DGLUCY: variants seen among roughly 807,000 people sequenced by gnomAD.
The protein encoded by DGLUCY is D-glutamate cyclase, also known as D-glutamate cyclase, mitochondrial.
In DGLUCY, 58 loss-of-function variants were observed where a neutral mutation model predicts 58.5. That is an observed-to-expected ratio of 0.99 (90% confidence interval 0.80 to 1.23). The LOEUF (loss-of-function observed/expected upper bound fraction) is 1.23. Among genes scored for constraint, DGLUCY ranks in the 50% most tolerant of loss-of-function variants. The pLI, the probability that DGLUCY is intolerant of heterozygous loss-of-function variation, is 0.00. For synonymous variants in DGLUCY, 325 were observed against 314.1 expected, an observed-to-expected ratio of 1.03 and a Z score of -0.37; for missense variants, 779 against 784.7, an observed-to-expected ratio of 0.99 and a Z score of 0.09.
In DGLUCY at chr14:91,084,680, T is replaced by C. The variant is rs73328574; in HGVS notation, c.-82+23976T>C. Among the ~76,000 whole-genome samples the C allele has an allele frequency of 5.2e-3, 791 of 152,206 alleles. 11 individuals are homozygous for C. The highest frequency in any genetic ancestry group is 0.019 in the African/African-American group (769 of 41,526). ...AGGGTGCTTTCCTCTCTATAATCCT[T>C]AGCTTTGGTCTGCTCCACTCCAACC... On this transcript the variant is annotated intron_variant, in intron 1 of 4. Transcript: ENST00000521334.
chr14:91,167,453 G>A, intron 4 of DGLUCY, 75 bp downstream of exon 4: 1 of 1,580,822 alleles, frequency 6.3e-7, no homozygotes, highest in Admixed American at 1.7e-5. Flanking sequence ...CTGTCATCCG[G>A]GACCTCTCTG....
chr14:91,135,867 G>C (rs11626579), intron 1 of DGLUCY, among the ~76,000 whole-genome samples: 148,769 of 149,804 alleles, frequency 0.99, 73,881 homozygotes, highest in East Asian at 1. Flanking sequence ...AATCACTTTT[G>C]TAATAGTAAA....
At chr14:91,104,636 A>T (rs906894248), upstream of DGLUCY, among the ~76,000 whole-genome samples, 1 of 152,138 alleles carries the variant, frequency 6.6e-6, no homozygotes, top group African/African-American at 2.4e-5. Flanking sequence ...TCCATGAAAC[A>T]CTTCTCTCTT....
At chr14:91,130,295 C>A (rs2045956631) in intron 1 of DGLUCY, among the ~76,000 whole-genome samples, 1 of 149,228 alleles carries the variant, frequency 6.7e-6, no homozygotes, top group Admixed American at 6.7e-5. Context: ...AGTGAAGAAT[C>A]TTTTCTTTTC....
intron 1 of DGLUCY, among the ~76,000 whole-genome samples, chr14:91,078,876 T>TTTTATTTATTTATTTATTTA (rs34232625): frequency 2.2e-4 from 30 of 136,772 alleles, no homozygotes; most frequent in Non-Finnish European, 3.0e-4. Flanking sequence ...TATTTTTAAT[T>TTTTATTTATTTATTTATTTA]TTTATTTATT....
chr14:91,207,053 G>C (rs949261779), intron 12 of DGLUCY, among the ~76,000 whole-genome samples: 7 of 150,604 alleles, frequency 4.6e-5, no homozygotes, highest in Non-Finnish European at 1.0e-4. Context: ...GGCTACGTGG[G>C]GGGGCTGAGG....
At chr14:91,071,276 G>T (rs188192431) in intron 1 of DGLUCY, among the ~76,000 whole-genome samples, 146 of 148,496 alleles carry the variant, frequency 9.8e-4, no homozygotes, top group African/African-American at 3.6e-3. Flanking sequence ...GGCAGAGGTT[G>T]CAGTAAGCTG....
In DGLUCY at chr14:91,208,648, C is replaced by A. The variant is rs1025301437; in HGVS notation, c.1564+3823C>A. 7.2e-5 allele frequency among the ~76,000 whole-genome samples: 11 copies of A among 152,140 alleles called. 1 individual carries two copies. The highest frequency in any genetic ancestry group is 3.3e-4 in the Admixed American group (5 of 15,274). On this transcript the variant is annotated intron_variant, in intron 12 of 13. Coordinates refer to ENST00000256324, the MANE Select transcript of DGLUCY (RefSeq NM_001102368.3). ...CCTATAGTCCTAGCTACTTGGGAGGCTGAGGTAGGCAGATCACCTGAGCCT... is the reference window on the plus strand; with the variant it reads ...CCTATAGTCCTAGCTACTTGGGAGGATGAGGTAGGCAGATCACCTGAGCCT...
intron 1 of DGLUCY, among the ~76,000 whole-genome samples, chr14:91,108,691 C>T (rs1264461344): frequency 6.6e-6 from 1 of 152,056 alleles, no homozygotes; most frequent in African/African-American, 2.4e-5. Flanking sequence ...GCATGTGCCA[C>T]CATGCCCGGC....
At chr14:91,215,073 C>T (rs923265305) in intron 12 of DGLUCY, among the ~76,000 whole-genome samples, 5 of 152,246 alleles carry the variant, frequency 3.3e-5, no homozygotes, top group Non-Finnish European at 5.9e-5. Flanking sequence ...CGCTTGAACC[C>T]AGGAGGCAGA....
intron 6 of DGLUCY, 71 bp from the exon 7 acceptor site, chr14:91,175,863 A>T: frequency 6.4e-7 from 1 of 1,560,762 alleles, no homozygotes; most frequent in Non-Finnish European, 8.8e-7. Context: ...AGAAAGAACC[A>T]TAAACTACTC....
At chr14:91,202,806 T>G (rs554770318) in intron 11 of DGLUCY, among the ~76,000 whole-genome samples, 1 of 152,328 alleles carries the variant, frequency 6.6e-6, no homozygotes, top group East Asian at 1.9e-4. Context: ...AGCTGGCCGT[T>G]CATGGCTTCG....
intron 1 of DGLUCY, among the ~76,000 whole-genome samples, chr14:91,157,207 ATGAATGGG>A (rs2047697877): frequency 6.9e-6 from 1 of 143,964 alleles, no homozygotes; most frequent in Non-Finnish European, 1.5e-5. Context: ...GGATGGATGA[ATGAATGGG>A]TGGATGGATG....
At chr14:91,145,163 C>G (rs546789412) in intron 1 of DGLUCY, 1 of 152,126 alleles carries the variant, frequency 6.6e-6, no homozygotes, top group Non-Finnish European at 1.5e-5. Context: ...AGGCTGGAGG[C>G]TTCTCCTACG....
intron 1 of DGLUCY, among the ~76,000 whole-genome samples, chr14:91,141,738 A>G (rs1246944901): frequency 6.6e-6 from 1 of 151,530 alleles, no homozygotes; most frequent in Non-Finnish European, 1.5e-5. Flanking sequence ...TTTAGTAGAG[A>G]TGGGCTTTCA....
chr14:91,089,592 C>T (rs529752051), intron 1 of DGLUCY, among the ~76,000 whole-genome samples: 4 of 152,080 alleles, frequency 2.6e-5, no homozygotes, highest in Non-Finnish European at 5.9e-5. Context: ...GAGGCCGAGG[C>T]GAGCGGAACA....
intron 1 of DGLUCY, among the ~76,000 whole-genome samples, chr14:91,084,759 T>C (rs2044183951): frequency 6.6e-6 from 1 of 152,148 alleles, no homozygotes; most frequent in African/African-American, 2.4e-5. Context: ...GGGAGATACA[T>C]TGGACTTGAA....
chr14:91,108,540 A>T (rs2044638670), intron 1 of DGLUCY, among the ~76,000 whole-genome samples: 3 of 147,858 alleles, frequency 2.0e-5, no homozygotes, highest in Admixed American at 1.4e-4. Flanking sequence ...AGAGAGAGAG[A>T]GAGAGAGAGA....
rs190771432 is a variant in DGLUCY at position 91,224,535 on chromosome 14, A to G, written c.1717-149A>G. ...GACACTTACTTTTCATGACTTTTCCAATGGTATTAGTACTTTAAACCAAAA... is the reference window on the plus strand; with the variant it reads ...GACACTTACTTTTCATGACTTTTCCGATGGTATTAGTACTTTAAACCAAAA... On this transcript the variant is annotated intron_variant, in intron 13 of 13. Coordinates refer to ENST00000256324, the MANE Select transcript of DGLUCY (RefSeq NM_001102368.3). 1.3e-5 allele frequency: 9 copies of G among 710,794 alleles called. No individual in the cohort carries two copies. In the Admixed American group the frequency reaches 2.7e-4, roughly 21 times the overall value. 44.0% of individuals were successfully genotyped at this position (710,794 alleles called of 1,614,324 possible).
Sources: gnomAD v4.1 joint callset for allele counts (sites outside exome capture counted in the v4.1 genomes callset) on GRCh38, gnomAD v4.1.1 for gene constraint, MANE v1.5 for transcripts, NCBI Gene and HGNC (gene_info 2026-07-23, HGNC 2026-07-21) for gene names.